BRDT: variants seen among roughly 807,000 people sequenced by gnomAD.
BRDT encodes bromodomain testis-specific protein.
A neutral mutation model predicts 113.9 loss-of-function variants in BRDT; 77 were observed. The observed-to-expected ratio is 0.68, with a 90% confidence interval of 0.56 to 0.82. BRDT has a LOEUF of 0.82. Among genes scored for constraint, BRDT ranks in the 40% least tolerant of loss-of-function variants. The pLI is 0.00. For synonymous variants in BRDT, 358 were observed against 366.5 expected (o/e 0.98, Z 0.26); for missense variants, 1,027 against 1,105.4 (o/e 0.93, Z 1.01).
Position 91,991,236 on chromosome 1 carries a change from G to A in BRDT, c.2055G>A (p.Glu685=), listed in dbSNP as rs746487953. 15 of 1,539,164 alleles carry A rather than the reference G, an allele frequency of 9.7e-6. 1 individual carries two copies. In the South Asian group the frequency reaches 1.5e-4, roughly 16 times the overall value. The part of the protein sequence containing the change: ...EVKPNDSPSK[E]NVKKMKNECI... ...AACCAAATGATTCTCCTTCTAAAGA[G>A]AATGTAAAGGTAAGTGAATTCTTTA... is the stretch of plus-strand genomic sequence containing the variant. Residue 685 remains glutamate (E), a synonymous_variant, in exon 13 of 19, where the codon GAG becomes GAA. Transcript: ENST00000399546.
chr1:91,989,864 G>A (rs1278567306), intron 12 of BRDT, among the ~76,000 whole-genome samples: 1 of 152,146 alleles, frequency 6.6e-6, no homozygotes, highest in African/African-American at 2.4e-5. Flanking sequence ...TTTTAACAAT[G>A]TCCAGCATCA....
At position 92,001,699 on chromosome 1, in the gene BRDT, CA is replaced by C. The variant is rs576418599; in HGVS notation, c.2288-338del. Among the ~76,000 whole-genome samples the C allele has an allele frequency of 3.2e-3, 423 of 132,948 alleles. 4 individuals carry two copies. Among genetic ancestry groups the C allele is most frequent in the African/African-American group, 9.1e-3 (330 of 36,296 alleles). The allele number at this position is 132,948 out of a possible 152,430, so 87.2% of individuals were successfully genotyped here. A position where few individuals can be genotyped will look rare whatever the true frequency, so the allele number is the denominator to read the frequency against. ...GCATCAAAGCAAGACCCTCTCCCCG[CA>C]AAAAAAAAAAACACACCTCTGGAGC... On this transcript the variant is annotated intron_variant, in intron 15 of 18. Coordinates refer to ENST00000399546, the MANE Select transcript of BRDT (RefSeq NM_207189.4).
chr1:91,978,674 A>C (rs1297663784), intron 7 of BRDT, among the ~76,000 whole-genome samples: 1 of 152,096 alleles, frequency 6.6e-6, no homozygotes, highest in Non-Finnish European at 1.5e-5. Context: ...AGGTAATAGA[A>C]TGATCTACCA....
rs1683087706 is a variant in BRDT at position 91,966,596 on chromosome 1, A to G, written c.331-1550A>G. On this transcript the variant is annotated intron_variant, in intron 3 of 18. Coordinates refer to ENST00000399546, the MANE Select transcript of BRDT (RefSeq NM_207189.4). Reference sequence around the variant, plus strand: ...TCATTTTAATTTAACTACAATTCCAAAGGGTCCTTTCAGATGTAATATTTT... The same window carrying G: ...TCATTTTAATTTAACTACAATTCCAGAGGGTCCTTTCAGATGTAATATTTT... 2.0e-5 allele frequency among the ~76,000 whole-genome samples: 3 copies of G among 152,308 alleles called. No individual in the cohort carries two copies. In the South Asian group the frequency reaches 6.2e-4, roughly 32 times the overall value.
At chr1:91,994,867 CAAAAAA>C (rs11330809) in intron 15 of BRDT, among the ~76,000 whole-genome samples, 17 of 65,498 alleles carry the variant, frequency 2.6e-4, no homozygotes, top group East Asian at 2.3e-3. Flanking sequence ...GACTCCGTCT[CAAAAAA>C]AAAAAAAAAA....
At chr1:91,966,932 G>A (rs755802764) in intron 3 of BRDT, among the ~76,000 whole-genome samples, 4 of 152,074 alleles carry the variant, frequency 2.6e-5, no homozygotes, top group South Asian at 2.1e-4. Context: ...AGCCAGACGC[G>A]GTGGCAGGCA....
At chr1:91,976,791 T>TC (rs1684178018) in intron 5 of BRDT, among the ~76,000 whole-genome samples, 1 of 152,186 alleles carries the variant, frequency 6.6e-6, no homozygotes, top group Non-Finnish European at 1.5e-5. Flanking sequence ...TTTTTACTTT[T>TC]CATTCATCTT....
chr1:91,999,860 TC>T (rs1373556455), intron 15 of BRDT, among the ~76,000 whole-genome samples: 2 of 152,208 alleles, frequency 1.3e-5, no homozygotes, highest in African/African-American at 4.8e-5. Context: ...AAAACTGAAT[TC>T]CCCCTTTTAG....
intron 15 of BRDT, among the ~76,000 whole-genome samples, chr1:92,001,749 C>A (rs1377893363): frequency 2.7e-5 from 4 of 150,716 alleles, no homozygotes; most frequent in African/African-American, 9.7e-5. Context: ...AACTGGAGAG[C>A]TGCTATAGCA....
At chr1:91,977,538 T>A in intron 6 of BRDT, 145 bp downstream of exon 6, 1 of 688,078 alleles carries the variant, frequency 1.5e-6, no homozygotes, top group Non-Finnish European at 2.3e-6. Context: ...TCTGGAAAAT[T>A]TTAAAATATA....
At chr1:91,969,093 C>A (rs978961803) in intron 4 of BRDT, among the ~76,000 whole-genome samples, 2 of 151,888 alleles carry the variant, frequency 1.3e-5, no homozygotes, top group African/African-American at 4.8e-5. Flanking sequence ...CCCACCACCA[C>A]GCCCTGCTAA....
chr1:91,997,579 G>T (rs1686462216), intron 15 of BRDT, among the ~76,000 whole-genome samples: 1 of 152,172 alleles, frequency 6.6e-6, no homozygotes, highest in South Asian at 2.1e-4. Context: ...TGTAGTCAAG[G>T]TGTTCTCTTA....
At chr1:91,966,612 G>A (rs759147287) in intron 3 of BRDT, among the ~76,000 whole-genome samples, 7 of 152,178 alleles carry the variant, frequency 4.6e-5, no homozygotes, top group Non-Finnish European at 1.0e-4. Flanking sequence ...CCTTTCAGAT[G>A]TAATATTTTA....
chr1:91,960,837 T>C (rs1443604288), intron 1 of BRDT, among the ~76,000 whole-genome samples: 1 of 152,240 alleles, frequency 6.6e-6, no homozygotes, highest in East Asian at 1.9e-4. Context: ...ATTTTGCTTA[T>C]GTACTTGAGG....
At chr1:91,990,698 C>A (rs761684214) in intron 12 of BRDT, among the ~76,000 whole-genome samples, 1 of 152,106 alleles carries the variant, frequency 6.6e-6, no homozygotes, top group Non-Finnish European at 1.5e-5. Flanking sequence ...AAGCAGGTAT[C>A]CCTTTAGAAA....
At chr1:91,973,632 T>C (rs939724175) in intron 4 of BRDT, among the ~76,000 whole-genome samples, 3 of 152,244 alleles carry the variant, frequency 2.0e-5, no homozygotes, top group Non-Finnish European at 4.4e-5. Context: ...TGATTTTGTA[T>C]CCTGAGACTT....
At chr1:91,982,417 G>A (rs1219188939) in intron 12 of BRDT, among the ~76,000 whole-genome samples, 2 of 152,150 alleles carry the variant, frequency 1.3e-5, no homozygotes, top group African/African-American at 2.4e-5. Flanking sequence ...TGATTACACA[G>A]TTGATAAGTA....
At chr1:92,000,052 T>C (rs1686697250) in intron 15 of BRDT, among the ~76,000 whole-genome samples, 1 of 152,236 alleles carries the variant, frequency 6.6e-6, no homozygotes, top group Admixed American at 6.5e-5. Context: ...AGTTGTTATT[T>C]GTTTGTTTTG....
At chr1:91,963,422 C>T (rs530204007) in intron 2 of BRDT, among the ~76,000 whole-genome samples, 7 of 152,258 alleles carry the variant, frequency 4.6e-5, no homozygotes, top group South Asian at 2.1e-4. Context: ...TCTGAGCATT[C>T]GCATTCTTAT....
Sources: gnomAD v4.1 joint callset for allele counts (sites outside exome capture counted in the v4.1 genomes callset) on GRCh38, gnomAD v4.1.1 for gene constraint, MANE v1.5 for transcripts, NCBI Gene and HGNC (gene_info 2026-07-23, HGNC 2026-07-21) for gene names.